USP16: variants seen among roughly 807,000 people sequenced by gnomAD.
USP16 encodes the protein ubiquitin carboxyl-terminal hydrolase 16.
A neutral mutation model predicts 95.9 loss-of-function variants in USP16; 77 were observed. That is an observed-to-expected ratio of 0.80 (90% CI 0.67 to 0.97). The LOEUF (loss-of-function observed/expected upper bound fraction) is 0.97, where lower values mean the gene tolerates loss of function less well. USP16 is among the 50% of genes least tolerant of loss of function. The pLI is 0.00. For missense variants in USP16, 943 were observed against 959.9 expected, an observed-to-expected ratio of 0.98 and a Z score of 0.23; for synonymous variants, 303 against 318.2, an observed-to-expected ratio of 0.95 and a Z score of 0.51.
chr21:29,041,537 A>G (rs1464909226), intron 10 of USP16, among the ~76,000 whole-genome samples: 1 of 152,196 alleles, frequency 6.6e-6, no homozygotes, highest in Non-Finnish European at 1.5e-5. Flanking sequence ...TAAAATATCA[A>G]AGGAGTTCAG....
In USP16 at chr21:29,034,926, C is replaced by T; in HGVS notation, c.330C>T (p.Asp110=). The change falls in exon 4 of 18, where the codon GAC becomes GAT. Residue 110 remains aspartate, a synonymous_variant. Transcript: ENST00000399976. The part of the protein sequence containing the change: ...SEPHCLVLSL[D]NWSVWCYVCD... ...CTCACTGTCTGGTTCTTAGTTTGGA[C>T]AACTGGAGTGTATGGTGAGTTTCAG... is the stretch of plus-strand genomic sequence containing the variant. The T allele has an allele frequency of 1.2e-6, 2 of 1,613,874 alleles. No individual in the cohort carries two copies. The highest frequency in any genetic ancestry group is 1.7e-6 in the Non-Finnish European group (2 of 1,179,816).
chr21:29,044,606 C>T (rs2085296211), intron 13 of USP16, among the ~76,000 whole-genome samples: 1 of 151,936 alleles, frequency 6.6e-6, no homozygotes, highest in Non-Finnish European at 1.5e-5. Flanking sequence ...TGCCACCGTA[C>T]CTGGCTAACT....
At chr21:29,031,119 G>A (rs187707572) in intron 3 of USP16, among the ~76,000 whole-genome samples, 1 of 152,322 alleles carries the variant, frequency 6.6e-6, no homozygotes, top group African/African-American at 2.4e-5. Flanking sequence ...TGCCCCTAGA[G>A]CAGGAAGTAA....
chr21:29,035,535 G>A (rs1183056244), intron 4 of USP16, among the ~76,000 whole-genome samples: 3 of 151,488 alleles, frequency 2.0e-5, no homozygotes, highest in Admixed American at 6.6e-5. Context: ...CACCACGCCC[G>A]GCTAATTTTT....
chr21:29,034,545 T>G (rs1013683579), intron 3 of USP16, among the ~76,000 whole-genome samples: 1 of 152,100 alleles, frequency 6.6e-6, no homozygotes, highest in Admixed American at 6.6e-5. Flanking sequence ...ACTCCTGACC[T>G]CAGGTGATCC....
At chr21:29,032,778 G>A (rs998189302) in intron 3 of USP16, among the ~76,000 whole-genome samples, 10 of 152,172 alleles carry the variant, frequency 6.6e-5, no homozygotes, top group African/African-American at 2.2e-4. Flanking sequence ...TAGGATAAAT[G>A]CCCAAGAGTG....
rs540421949 is a variant in USP16, at chr21:29,032,597, C to T, written c.240+1824C>T. On this transcript the variant is annotated intron_variant, in intron 3 of 17. Transcript: ENST00000399976. ...ATCAAAGCTGTGTGTATCAAGTTTG[C>T]TCTTTTTTTATTACTGAGCGTATTT... is the stretch of plus-strand genomic sequence containing the variant. 7.2e-3 allele frequency among the ~76,000 whole-genome samples: 1,095 copies of T among 152,284 alleles called. 12 individuals carry two copies. The highest frequency in any genetic ancestry group is 0.025 in the African/African-American group (1,039 of 41,562).
At chr21:29,051,865 G>A (rs2085420332) in intron 16 of USP16, among the ~76,000 whole-genome samples, 2 of 151,940 alleles carry the variant, frequency 1.3e-5, no homozygotes, top group Admixed American at 1.3e-4. Flanking sequence ...TTGCTGTGAT[G>A]GGCATAATGG....
intron 12 of USP16, 194 bp downstream of exon 12, chr21:29,042,722 A>G (rs983804617): frequency 1.6e-5 from 8 of 505,636 alleles, no homozygotes; most frequent in Non-Finnish European, 2.7e-5. Flanking sequence ...ATGGAAAAAA[A>G]GATGATGTAT....
At chr21:29,039,710 A>C in intron 9 of USP16, 142 bp downstream of exon 9, 3 of 642,610 alleles carry the variant, frequency 4.7e-6, no homozygotes, top group Non-Finnish European at 7.6e-6. Context: ...CAGCTTTTTC[A>C]ACTAGTATGT....
chr21:29,039,660 A>G, intron 9 of USP16, 92 bp downstream of exon 9: 1 of 1,274,404 alleles, frequency 7.8e-7, no homozygotes, highest in Non-Finnish European at 1.1e-6. Context: ...AATGAAAGCT[A>G]GTTATTAAGG....
Position 29,024,726 on chromosome 21 carries a change from G to A in USP16, c.-93G>A, listed in dbSNP as rs1432894212. 4.7e-6 allele frequency: 6 copies of A among 1,289,394 alleles called. No homozygotes were observed. The Admixed American group carries it at 1.1e-4, about 25-fold the overall frequency. 79.9% of individuals were successfully genotyped at this position (1,289,394 alleles called of 1,614,324 possible). On this transcript the variant is annotated 5_prime_UTR_variant, in exon 1 of 18. Transcript: ENST00000399976. ...CACCAGGAGGAAGACGGAGCTGGCT[G>A]CCCAGCCCAAAGGCCCATGAGGGGA...
chr21:29,047,817 T>C (rs2085349725), intron 14 of USP16, among the ~76,000 whole-genome samples: 1 of 151,784 alleles, frequency 6.6e-6, no homozygotes, highest in Non-Finnish European at 1.5e-5. Flanking sequence ...GGAGGGGCCA[T>C]GGATTCCTAA....
intron 3 of USP16, among the ~76,000 whole-genome samples, chr21:29,032,565 A>T (rs1345695611): frequency 6.6e-6 from 1 of 152,164 alleles, no homozygotes; most frequent in African/African-American, 2.4e-5. Flanking sequence ...TAATCACCCA[A>T]AGATTTATCA....
chr21:29,036,256 AT>A lies in USP16; in HGVS notation c.345-10del. 2 of 1,582,756 alleles carry A rather than the reference AT, an allele frequency of 1.3e-6. No homozygotes were observed. Among genetic ancestry groups the A allele is most frequent in the Non-Finnish European group, 1.7e-6 (2 of 1,161,406 alleles). ...GTCATTTTGTCATTTTTCATCTCTG[AT>A]TTTTGGGTCACAGGTGTTACGTATG... is the stretch of plus-strand genomic sequence containing the variant. On this transcript the variant is annotated splice_polypyrimidine_tract_variant and intron_variant, in intron 4 of 17. Coordinates refer to ENST00000399976, the MANE Select transcript of USP16 (RefSeq NM_006447.3).
intron 1 of USP16, chr21:29,026,558 T>G (rs76618742): frequency 7.5e-6 from 1 of 132,622 alleles, no homozygotes; most frequent in African/African-American, 3.0e-5. Flanking sequence ...TTTTTTTTTT[T>G]TTTGGTAGAG....
rs182786188 is a variant in USP16, at chr21:29,031,527, C to T, written c.240+754C>T. Among the ~76,000 whole-genome samples, 84 of 152,282 alleles carry T rather than the reference C, an allele frequency of 5.5e-4. 1 individual carries two copies. Among genetic ancestry groups the T allele is most frequent in the African/African-American group, 1.9e-3 (78 of 41,554 alleles). On this transcript the variant is annotated intron_variant, in intron 3 of 17. Coordinates refer to ENST00000399976, the MANE Select transcript of USP16 (RefSeq NM_006447.3). ...AATCTTGGCTCATGGCAGCCTCCAC[C>T]TCCCAGGTTCAAGCAGTTTTCCTGC...
chr21:29,031,480 C>G (rs1161897501), intron 3 of USP16, among the ~76,000 whole-genome samples: 2 of 152,132 alleles, frequency 1.3e-5, no homozygotes, highest in African/African-American at 4.8e-5. Context: ...ACTCTGTCAC[C>G]CAGGCTGGAG....
rs2085341111 is a variant in USP16 at position 29,047,268 on chromosome 21, T to G, written c.1958T>G (p.Leu653Arg). The G allele has an allele frequency of 1.2e-6, 2 of 1,614,132 alleles. No individual in the cohort carries two copies. The highest frequency in any genetic ancestry group is 1.7e-6 in the Non-Finnish European group (2 of 1,180,012). Residue 653 changes from leucine to arginine, a missense_variant, in exon 14 of 18, where the codon CTT (leucine) becomes CGT (arginine). Coordinates refer to ENST00000399976, the MANE Select transcript of USP16 (RefSeq NM_006447.3). ...NEKLRDANKL[L>R]CEVCTRRQCN... Reference sequence around the variant, plus strand: ...AAACTTCGAGATGCGAATAAACTGCTTTGTGAAGTATGCACACGGAGACAG... The same window carrying G: ...AAACTTCGAGATGCGAATAAACTGCGTTGTGAAGTATGCACACGGAGACAG...
Sources: gnomAD v4.1 joint callset for allele counts (sites outside exome capture counted in the v4.1 genomes callset) on GRCh38, gnomAD v4.1.1 for gene constraint, MANE v1.5 for transcripts, NCBI Gene and HGNC (gene_info 2026-07-23, HGNC 2026-07-21) for gene names.